The following LHB variants were observed in gnomAD, a reference collection of about 807,000 sequenced individuals.
LHB encodes the protein lutropin subunit beta.
Under a neutral mutation model 10.6 loss-of-function variants are expected in LHB, and 11 were observed. That is an observed-to-expected ratio of 1.04 (90% CI 0.66 to 1.72). The LOEUF is 1.72. Among genes scored for constraint, LHB ranks in the 40% most tolerant of loss-of-function variants. LHB has a pLI of 0.00. For synonymous variants in LHB, 86 were observed against 83.1 expected, an observed-to-expected ratio of 1.03 and a Z score of -0.19; for missense variants, 184 against 197.3, an observed-to-expected ratio of 0.93 and a Z score of 0.41.
Position 49,016,481 on chromosome 19 carries a change from C to T in LHB, c.183+66G>A, listed in dbSNP as rs369060275. On this transcript the variant is annotated intron_variant, in intron 2 of 2. Coordinates refer to ENST00000649238, the MANE Select transcript of LHB (RefSeq NM_000894.3). ...GCCAGAGAGGCAGACCACCCTTCCT[C>T]CCCCGCTGCCTCTGTGGGTCTGGCC... 262 of 1,603,836 alleles carry T rather than the reference C, an allele frequency of 1.6e-4. 5 individuals are homozygous for T. In the African/African-American group the frequency reaches 2.9e-3, roughly 18 times the overall value.
chr19:49,018,984 G>T (rs974860845), upstream of LHB: 1 of 1,533,208 alleles, frequency 6.5e-7, no homozygotes, highest in Non-Finnish European at 8.7e-7. Context: ...GGGGTTCTTC[G>T]TCCAGGCAAT....
upstream of LHB, chr19:49,018,815 T>A: frequency 2.8e-6 from 4 of 1,419,528 alleles, no homozygotes; most frequent in Non-Finnish European, 3.8e-6. Context: ...GGGCTCGGCG[T>A]GCACCGGCCA....
upstream of LHB, among the ~76,000 whole-genome samples, chr19:49,018,683 T>G: frequency 6.7e-6 from 1 of 149,238 alleles, no homozygotes. Flanking sequence ...TCCTGAGAGG[T>G]GACACTAAGG....
At chr19:49,019,387 C>G, upstream of LHB, 1 of 1,252,906 alleles carries the variant, frequency 8.0e-7, no homozygotes. Flanking sequence ...CCACCTGACC[C>G]CGTCTCAGAA....
At chr19:49,018,961 G>T, upstream of LHB, 1 of 1,533,906 alleles carries the variant, frequency 6.5e-7, no homozygotes, top group East Asian at 2.4e-5. Context: ...GTGAAAGGCC[G>T]GCCAGACAGC....
At chr19:49,017,981 G>A, upstream of LHB, 1 of 398,578 alleles carries the variant, frequency 2.5e-6, no homozygotes, top group Non-Finnish European at 4.4e-6. Context: ...CACCAGCGCC[G>A]GCTTCAAGCT....
upstream of LHB, chr19:49,019,036 A>T: frequency 6.6e-7 from 1 of 1,512,962 alleles, no homozygotes. Flanking sequence ...TACCCAAGAC[A>T]TAGATTTCAT....
intron 2 of LHB, 40 bp from the exon 3 acceptor site, chr19:49,016,350 G>A (rs1159997176): frequency 6.2e-7 from 1 of 1,606,734 alleles, no homozygotes; most frequent in Non-Finnish European, 8.5e-7. Context: ...ATGTGCCTGA[G>A]GCCAGCGCCT....
At chr19:49,017,032 G>C (rs762066082) in intron 1 of LHB, 35 bp downstream of exon 1, 16 of 1,613,462 alleles carry the variant, frequency 9.9e-6, no homozygotes, top group Non-Finnish European at 1.3e-5. Flanking sequence ...GGCCTGGAAG[G>C]AGGTGGAAGG....
Position 49,016,632 on chromosome 19 carries a change from T to C in LHB, c.98A>G (p.Asn33Ser), listed in dbSNP as rs370066297. 13 of 1,612,096 alleles carry C rather than the reference T, an allele frequency of 8.1e-6. No homozygotes were observed. In the African/African-American group the frequency reaches 1.2e-4, roughly 15 times the overall value. ...CTCCTTCTCGACAGCCAGGATGGCA[T>C]TGATGGGGTGGCACCATGGCCGAAG... ...EPLRPWCHPI[N>S]AILAVEKEGC... is the part of the protein sequence containing the mutation. Residue 33 changes from asparagine (N) to serine (S), a missense_variant, in exon 2 of 3, where the codon AAT (asparagine) becomes AGT (serine). Asn to Ser is a conservative substitution (Grantham distance 46). Coordinates refer to ENST00000649238, the MANE Select transcript of LHB (RefSeq NM_000894.3).
upstream of LHB, among the ~76,000 whole-genome samples, chr19:49,018,717 A>G (rs1016427834): frequency 8.0e-5 from 12 of 150,698 alleles, no homozygotes; most frequent in Non-Finnish European, 1.3e-4. Flanking sequence ...TAAAAAAAAA[A>G]GGGAGGGGCT....
upstream of LHB, among the ~76,000 whole-genome samples, chr19:49,018,722 G>A (rs1305673100): frequency 1.3e-5 from 2 of 152,176 alleles, no homozygotes; most frequent in East Asian, 1.9e-4. Flanking sequence ...AAAAAAGGGA[G>A]GGGCTGAGGC....
chr19:49,017,394 A>T (rs183519597), upstream of LHB: 65 of 1,111,852 alleles, frequency 5.8e-5, no homozygotes, highest in Non-Finnish European at 7.0e-5. Flanking sequence ...GCCTCTGCCA[A>T]TTGTGGGGTC....
chr19:49,016,429 T>C (rs551356998), intron 2 of LHB, 118 bp downstream of exon 2: 679 of 1,600,260 alleles, frequency 4.2e-4, no homozygotes, highest in Admixed American at 5.7e-4. Flanking sequence ...TGTTCCTGCC[T>C]TCCCACACCC....
At chr19:49,016,459 A>C in intron 2 of LHB, 88 bp downstream of exon 2, 1 of 1,603,306 alleles carries the variant, frequency 6.2e-7, no homozygotes. Flanking sequence ...ACCGCAGGCC[A>C]GAGAGGCAGA....
intron 1 of LHB, 57 bp from the exon 2 acceptor site, chr19:49,016,771 T>C: frequency 6.2e-7 from 1 of 1,604,570 alleles, no homozygotes; most frequent in Non-Finnish European, 8.5e-7. Context: ...AGTCCTGGCC[T>C]TCCCATCCCG....
At chr19:49,018,281 G>C (rs1020597569), upstream of LHB, 3 of 1,109,954 alleles carry the variant, frequency 2.7e-6, no homozygotes, top group African/African-American at 4.9e-5. Context: ...GACCTGGGGC[G>C]TCTCTTCGAA....
At chr19:49,016,420 G>A (rs1375121901) in intron 2 of LHB, 110 bp from the exon 3 acceptor site, 2 of 1,599,572 alleles carry the variant, frequency 1.3e-6, no homozygotes, top group Non-Finnish European at 1.7e-6. Context: ...GAAGCCCTCT[G>A]TTCCTGCCTT....
upstream of LHB, chr19:49,018,932 G>T: frequency 2.6e-6 from 4 of 1,534,478 alleles, no homozygotes; most frequent in Non-Finnish European, 3.5e-6. Context: ...GGCGGTCCAG[G>T]ACGCCCCGGT....
Sources: allele counts gnomAD v4.1 joint callset (sites outside exome capture counted in the v4.1 genomes callset), GRCh38; gene constraint gnomAD v4.1.1; transcripts MANE v1.5; gene names NCBI Gene and HGNC (gene_info 2026-07-23, HGNC 2026-07-21).